NKAIN2: variants seen among roughly 807,000 people sequenced by gnomAD.
NKAIN2 encodes the protein sodium/potassium-transporting ATPase subunit beta-1-interacting protein 2.
A neutral mutation model predicts 32.6 loss-of-function variants in NKAIN2; 14 were observed. That is an observed-to-expected ratio of 0.43 (90% CI 0.28 to 0.67). The LOEUF is 0.67. Ranked by LOEUF, NKAIN2 falls within the 30% of genes least tolerant of loss-of-function variation. NKAIN2 has a pLI of 0.17. For synonymous variants in NKAIN2, 80 were observed against 87.2 expected, an observed-to-expected ratio of 0.92 and a Z score of 0.46; for missense variants, 198 against 258.3, an observed-to-expected ratio of 0.77 and a Z score of 1.60.
chr6:124,471,531 C>T (rs186836573), intron 3 of NKAIN2, among the ~76,000 whole-genome samples: 2 of 152,204 alleles, frequency 1.3e-5, no homozygotes, highest in African/African-American at 2.4e-5. Context: ...TTTTATTGCA[C>T]GCATTCCATT....
chr6:123,814,742 G>A (rs1773621114), intron 1 of NKAIN2, among the ~76,000 whole-genome samples: 1 of 151,914 alleles, frequency 6.6e-6, no homozygotes, highest in Non-Finnish European at 1.5e-5. Context: ...CACAAACTAG[G>A]GTCATTGCAT....
At chr6:124,080,526 A>G (rs1457601625) in intron 1 of NKAIN2, among the ~76,000 whole-genome samples, 1 of 152,136 alleles carries the variant, frequency 6.6e-6, no homozygotes, top group Admixed American at 6.6e-5. Context: ...CATTTTATAT[A>G]TAATATACAT....
chr6:124,602,698 A>G (rs554191774), intron 3 of NKAIN2, among the ~76,000 whole-genome samples: 5 of 151,966 alleles, frequency 3.3e-5, no homozygotes, highest in Admixed American at 6.6e-5. Flanking sequence ...TCTACTTTGG[A>G]AACTCAGGAA....
chr6:124,092,811 T>C (rs2114931477), intron 1 of NKAIN2, among the ~76,000 whole-genome samples: 1 of 152,170 alleles, frequency 6.6e-6, no homozygotes, highest in Non-Finnish European at 1.5e-5. Context: ...TAGATAGAAC[T>C]GAAAAACATC....
At chr6:124,667,614 C>A (rs1027082250) in intron 4 of NKAIN2, among the ~76,000 whole-genome samples, 12 of 151,940 alleles carry the variant, frequency 7.9e-5, no homozygotes, top group African/African-American at 2.9e-4. Flanking sequence ...TATTATGATA[C>A]AAATTTCTTA....
At chr6:124,708,569 G>A (rs958376092) in intron 4 of NKAIN2, among the ~76,000 whole-genome samples, 1 of 151,744 alleles carries the variant, frequency 6.6e-6, no homozygotes, top group African/African-American at 2.4e-5. Flanking sequence ...TCCCTTGTAA[G>A]TTGGATTCCT....
chr6:123,946,150 G>T (rs1047870006), intron 1 of NKAIN2, among the ~76,000 whole-genome samples: 3 of 152,072 alleles, frequency 2.0e-5, no homozygotes, highest in Non-Finnish European at 4.4e-5. Context: ...TAGTCTGCTA[G>T]GTTAATGAGG....
chr6:124,579,438 C>T (rs1322382460), intron 3 of NKAIN2, among the ~76,000 whole-genome samples: 1 of 152,190 alleles, frequency 6.6e-6, no homozygotes, highest in African/African-American at 2.4e-5. Context: ...AGAAATTCTG[C>T]AGCTGAAAAA....
intron 3 of NKAIN2, among the ~76,000 whole-genome samples, chr6:124,551,283 G>A (rs1010858560): frequency 6.6e-6 from 1 of 152,142 alleles, no homozygotes; most frequent in African/African-American, 2.4e-5. Context: ...TTGGTTTATG[G>A]TTTCAAATTC....
intron 3 of NKAIN2, among the ~76,000 whole-genome samples, chr6:124,388,031 G>C (rs1772985205): frequency 6.6e-6 from 1 of 152,064 alleles, no homozygotes; most frequent in Non-Finnish European, 1.5e-5. Context: ...CTGGAATGCT[G>C]TTAAATATCG....
chr6:124,223,584 T>TA, intron 1 of NKAIN2, among the ~76,000 whole-genome samples: 1 of 152,318 alleles, frequency 6.6e-6, no homozygotes, highest in Non-Finnish European at 1.5e-5. Context: ...TAATCCCACT[T>TA]AAGCCCTTGA....
At chr6:124,431,755 G>C (rs980904925) in intron 3 of NKAIN2, among the ~76,000 whole-genome samples, 1 of 152,020 alleles carries the variant, frequency 6.6e-6, no homozygotes, top group African/African-American at 2.4e-5. Flanking sequence ...CATTTTCTAA[G>C]TGTTTGTAAC....
intron 1 of NKAIN2, among the ~76,000 whole-genome samples, chr6:123,935,203 T>A (rs1234048477): frequency 6.7e-6 from 1 of 148,856 alleles, no homozygotes; most frequent in Non-Finnish European, 1.5e-5. Flanking sequence ...TATATTTATA[T>A]ATTTACTTAA....
At chr6:124,213,535 A>G (rs1162009613) in intron 1 of NKAIN2, among the ~76,000 whole-genome samples, 6 of 152,128 alleles carry the variant, frequency 3.9e-5, no homozygotes, top group African/African-American at 1.4e-4. Flanking sequence ...AACATAGACC[A>G]AGGGAAGAGT....
chr6:124,116,902 A>G (rs1253728319), intron 1 of NKAIN2, among the ~76,000 whole-genome samples: 2 of 152,150 alleles, frequency 1.3e-5, no homozygotes, highest in Non-Finnish European at 1.5e-5. Flanking sequence ...TAAGAAAAAC[A>G]CTAAGCCATA....
At chr6:124,196,928 A>G (rs1479830789) in intron 1 of NKAIN2, among the ~76,000 whole-genome samples, 4 of 151,942 alleles carry the variant, frequency 2.6e-5, no homozygotes, top group African/African-American at 7.2e-5. Flanking sequence ...TGAGATATAG[A>G]CATGCACAAG....
intron 4 of NKAIN2, among the ~76,000 whole-genome samples, chr6:124,706,769 C>A (rs796796370): frequency 9.2e-5 from 14 of 152,134 alleles, no homozygotes; most frequent in African/African-American, 3.4e-4. Flanking sequence ...AATGACTGTC[C>A]AACTGAAAAA....
intron 3 of NKAIN2, among the ~76,000 whole-genome samples, chr6:124,401,799 G>T (rs6940042): frequency 6.6e-6 from 1 of 151,762 alleles, no homozygotes; most frequent in African/African-American, 2.4e-5. Flanking sequence ...TATAAAATCT[G>T]GTTTTGAACT....
intron 4 of NKAIN2, among the ~76,000 whole-genome samples, chr6:124,678,762 G>A (rs1005293946): frequency 6.6e-6 from 1 of 152,010 alleles, no homozygotes; most frequent in Non-Finnish European, 1.5e-5. Context: ...TTCTTCATGT[G>A]CCTTGTAACT....
Sources: allele counts gnomAD v4.1 joint callset (sites outside exome capture counted in the v4.1 genomes callset), GRCh38; gene constraint gnomAD v4.1.1; transcripts MANE v1.5; gene names NCBI Gene and HGNC (gene_info 2026-07-23, HGNC 2026-07-21).